Variants in GABRA2 observed in about 807,000 individuals in gnomAD.
GABRA2 encodes gamma-aminobutyric acid type A receptor subunit alpha2.
In GABRA2, 16 loss-of-function variants were observed where a neutral mutation model predicts 48.7. The observed-to-expected ratio is 0.33, with a 90% CI of 0.22 to 0.50. GABRA2 has a LOEUF of 0.50. Among genes scored for constraint, GABRA2 ranks in the 20% least tolerant of loss-of-function variants. The pLI is 0.98. For synonymous variants in GABRA2, 185 were observed against 184.5 expected, an observed-to-expected ratio of 1.00 and a Z score of -0.02; for missense variants, 275 against 535.6, an observed-to-expected ratio of 0.51 and a Z score of 4.80.
At chr4:46,358,262 A>C (rs1336098117) in intron 3 of GABRA2, among the ~76,000 whole-genome samples, 1 of 152,164 alleles carries the variant, frequency 6.6e-6, no homozygotes, top group Non-Finnish European at 1.5e-5. Context: ...GATTCTTTAC[A>C]TAAAAATATT....
At position 46,259,439 on chromosome 4, in the gene GABRA2, G is replaced by A. The variant is rs140728578; in HGVS notation, c.1059+2487C>T. On this transcript the variant is annotated intron_variant, in intron 9 of 9. Transcript: ENST00000381620. Reference sequence around the variant, plus strand: ...AAGGTAGCTCTGCCTTTTAATATAGGGCTCAAATGTAGCTTGAGTATAACT... The same window carrying A: ...AAGGTAGCTCTGCCTTTTAATATAGAGCTCAAATGTAGCTTGAGTATAACT... Among the ~76,000 whole-genome samples, 496 of 151,834 alleles carry A rather than the reference G, an allele frequency of 3.3e-3. 1 individual carries two copies. Among genetic ancestry groups the A allele is most frequent in the African/African-American group, 0.011 (447 of 41,496 alleles).
intron 3 of GABRA2, among the ~76,000 whole-genome samples, chr4:46,376,690 C>T (rs1715747437): frequency 6.6e-6 from 1 of 152,002 alleles, no homozygotes; most frequent in Admixed American, 6.6e-5. Context: ...AGTTCAAGAC[C>T]AGACATAGTG....
chr4:46,311,619 C>T (rs1181990423), intron 5 of GABRA2, among the ~76,000 whole-genome samples: 34 of 152,084 alleles, frequency 2.2e-4, no homozygotes, highest in Admixed American at 2.0e-3. Context: ...AATTTTATTA[C>T]AGTTTAAATC....
intron 8 of GABRA2, among the ~76,000 whole-genome samples, chr4:46,299,484 T>C (rs934564283): frequency 6.6e-6 from 1 of 151,884 alleles, no homozygotes; most frequent in Non-Finnish European, 1.5e-5. Flanking sequence ...ACCATTTGAA[T>C]CATGTTTATA....
At chr4:46,380,098 T>C (rs758464366) in intron 3 of GABRA2, among the ~76,000 whole-genome samples, 68 of 152,218 alleles carry the variant, frequency 4.5e-4, no homozygotes, top group Admixed American at 7.9e-4. Context: ...GTGGTGACTA[T>C]GCTTTCAATT....
intron 8 of GABRA2, among the ~76,000 whole-genome samples, chr4:46,300,841 T>A (rs1577967427): frequency 6.6e-6 from 1 of 152,226 alleles, no homozygotes; most frequent in Non-Finnish European, 1.5e-5. Flanking sequence ...TTCTTCCTTT[T>A]TATACTGTCT....
At chr4:46,290,880 G>A (rs1723490183) in intron 8 of GABRA2, among the ~76,000 whole-genome samples, 1 of 152,062 alleles carries the variant, frequency 6.6e-6, no homozygotes, top group Non-Finnish European at 1.5e-5. Flanking sequence ...TTACATTAAT[G>A]TGGTATAGTA....
intron 8 of GABRA2, among the ~76,000 whole-genome samples, chr4:46,295,154 G>A (rs1206226127): frequency 6.6e-6 from 1 of 152,204 alleles, no homozygotes; most frequent in Non-Finnish European, 1.5e-5. Flanking sequence ...CTGCAGCACT[G>A]CAGCCCAAGT....
At chr4:46,325,217 A>G (rs1730146944) in intron 4 of GABRA2, among the ~76,000 whole-genome samples, 2 of 152,064 alleles carry the variant, frequency 1.3e-5, no homozygotes, top group African/African-American at 4.8e-5. Context: ...GCAGTATGTA[A>G]GCACTCCTTT....
intron 3 of GABRA2, among the ~76,000 whole-genome samples, chr4:46,338,731 T>A (rs993859279): frequency 6.6e-6 from 1 of 151,918 alleles, no homozygotes; most frequent in African/African-American, 2.4e-5. Flanking sequence ...TTCCTCTCTG[T>A]TCCTATCCAT....
At chr4:46,264,140 T>A (rs1044608580) in intron 8 of GABRA2, among the ~76,000 whole-genome samples, 2 of 118,262 alleles carry the variant, frequency 1.7e-5, no homozygotes, top group African/African-American at 7.2e-5. Flanking sequence ...ATTGCTTATG[T>A]ACAAAAACAC....
chr4:46,291,518 T>C (rs1002828899), intron 8 of GABRA2, among the ~76,000 whole-genome samples: 1 of 152,086 alleles, frequency 6.6e-6, no homozygotes, highest in African/African-American at 2.4e-5. Flanking sequence ...ACCATTAATC[T>C]AGGTAGGCAA....
intron 8 of GABRA2, among the ~76,000 whole-genome samples, chr4:46,293,446 A>G (rs1333990837): frequency 6.6e-6 from 1 of 152,192 alleles, no homozygotes; most frequent in Non-Finnish European, 1.5e-5. Context: ...ACTGGCTCTG[A>G]GTTGACGTTG....
intron 3 of GABRA2, among the ~76,000 whole-genome samples, chr4:46,346,405 T>C (rs889161680): frequency 6.6e-6 from 1 of 151,258 alleles, no homozygotes; most frequent in African/African-American, 2.4e-5. Context: ...TTAAGAATAA[T>C]AAAAAAAACT....
At chr4:46,298,421 G>T (rs2109589925) in intron 8 of GABRA2, among the ~76,000 whole-genome samples, 1 of 152,070 alleles carries the variant, frequency 6.6e-6, no homozygotes, top group South Asian at 2.1e-4. Flanking sequence ...GTGTATGTGG[G>T]CTTTGTTTTG....
intron 8 of GABRA2, among the ~76,000 whole-genome samples, chr4:46,289,354 A>T (rs912456973): frequency 6.6e-6 from 1 of 152,230 alleles, no homozygotes; most frequent in East Asian, 1.9e-4. Flanking sequence ...TACACCATGG[A>T]ATACTACGCA....
intron 3 of GABRA2, among the ~76,000 whole-genome samples, chr4:46,349,181 G>C (rs1734700585): frequency 6.6e-6 from 1 of 151,914 alleles, no homozygotes; most frequent in Non-Finnish European, 1.5e-5. Context: ...ATATGCACTG[G>C]GAAGCGAAAA....
intron 8 of GABRA2, among the ~76,000 whole-genome samples, chr4:46,273,953 A>G (rs1429413310): frequency 6.6e-6 from 1 of 152,000 alleles, no homozygotes; most frequent in South Asian, 2.1e-4. Flanking sequence ...TACAACTAAG[A>G]TTTATTCATA....
intron 3 of GABRA2, among the ~76,000 whole-genome samples, chr4:46,339,966 C>T (rs1235544767): frequency 6.6e-6 from 1 of 151,646 alleles, no homozygotes; most frequent in East Asian, 1.9e-4. Context: ...AACTAATTTT[C>T]CTCTCCAAAA....
Sources: gnomAD v4.1 joint callset for allele counts (sites outside exome capture counted in the v4.1 genomes callset) on GRCh38, gnomAD v4.1.1 for gene constraint, MANE v1.5 for transcripts, NCBI Gene and HGNC (gene_info 2026-07-23, HGNC 2026-07-21) for gene names.